Variants in KIT observed in about 807,000 individuals in gnomAD.
KIT encodes KIT proto-oncogene, receptor tyrosine kinase.
A neutral mutation model predicts 105.7 loss-of-function variants in KIT; 16 were observed. That is an observed-to-expected ratio of 0.15 (90% CI 0.10 to 0.23). The LOEUF (loss-of-function observed/expected upper bound fraction) is 0.23. Among genes scored for constraint, KIT ranks in the 10% least tolerant of loss-of-function variants. KIT has a pLI of 1.00. For synonymous variants in KIT, 438 were observed against 441.1 expected (o/e 0.99, Z 0.09); for missense variants, 858 against 1,213.8 (o/e 0.71, Z 4.36).
At chr4:54,725,574 T>C (rs1722162264) in intron 8 of KIT, among the ~76,000 whole-genome samples, 2 of 152,206 alleles carry the variant, frequency 1.3e-5, no homozygotes, top group Admixed American at 1.3e-4. Context: ...TGGGTATTAC[T>C]ATCCCTGTTT....
chr4:54,735,809 G>T (rs1459797078), intron 17 of KIT, among the ~76,000 whole-genome samples: 1 of 152,126 alleles, frequency 6.6e-6, no homozygotes, highest in East Asian at 1.9e-4. Context: ...TCTAGGAGTA[G>T]ACTTTATACC....
rs1375927561 is a variant in KIT at position 54,739,610 on chromosome 4, G to A, written c.*1053G>A. The A allele has an allele frequency of 8.6e-6, 2 of 233,458 alleles. No homozygotes were observed. The highest frequency in any genetic ancestry group is 4.4e-5 in the African/African-American group (2 of 45,336). The allele number at this position is 233,458 out of a possible 1,614,324, so 14.5% of individuals were successfully genotyped here. A position where few individuals can be genotyped will look rare whatever the true frequency, so the allele number is the denominator to read the frequency against. ...TTATGTAGCAGGAAATAAAGTATAG[G>A]TTTAGCCTCCTTCGCAGGCATGTCC... On this transcript the variant is annotated 3_prime_UTR_variant, in exon 21 of 21. Transcript: ENST00000288135.
chr4:54,660,317 C>T (rs1577902660), intron 1 of KIT, among the ~76,000 whole-genome samples: 1 of 152,256 alleles, frequency 6.6e-6, no homozygotes, highest in African/African-American at 2.4e-5. Flanking sequence ...GCTCCTGTGC[C>T]TAACAGGATG....
chr4:54,704,802 A>T (rs1192784588), intron 5 of KIT, among the ~76,000 whole-genome samples: 2 of 152,144 alleles, frequency 1.3e-5, no homozygotes, highest in African/African-American at 4.8e-5. Flanking sequence ...CTTGATCAAG[A>T]ACAATAATAA....
chr4:54,689,377 G>A (rs1339634816), intron 1 of KIT, among the ~76,000 whole-genome samples: 2 of 152,210 alleles, frequency 1.3e-5, no homozygotes, highest in Admixed American at 1.3e-4. Flanking sequence ...AGATACACTA[G>A]AGAAGAACTT....
At chr4:54,720,443 A>G (rs1721796451) in intron 7 of KIT, among the ~76,000 whole-genome samples, 1 of 152,244 alleles carries the variant, frequency 6.6e-6, no homozygotes, top group East Asian at 1.9e-4. Flanking sequence ...GTGTCACGCT[A>G]GAAGGCTTGG....
At chr4:54,682,821 G>A (rs919036084) in intron 1 of KIT, among the ~76,000 whole-genome samples, 5 of 149,986 alleles carry the variant, frequency 3.3e-5, no homozygotes, top group East Asian at 2.0e-4. Context: ...ACGCAATCTC[G>A]GCTCACTGCA....
At position 54,692,203 on chromosome 4, in the gene KIT, C is replaced by T. The variant is rs537339740; in HGVS notation, c.68-3309C>T. Among the ~76,000 whole-genome samples the T allele has an allele frequency of 1.5e-4, 23 of 152,344 alleles. No individual in the cohort carries two copies. In the South Asian group the frequency reaches 4.6e-3, roughly 30 times the overall value. ...GGCAGAGCCAAGATGCAAGTCTAGA[C>T]AGTCCTAACTCAAGAGCCAGGCTCT... is the stretch of plus-strand genomic sequence containing the variant. On this transcript the variant is annotated intron_variant, in intron 1 of 20. Transcript: ENST00000288135.
Position 54,738,504 on chromosome 4 carries a change from G to T in KIT, c.2878G>T (p.Val960Phe). Reference sequence around the variant, plus strand: ...AGACCATTCTGTGCGGATCAATTCTGTCGGCAGCACCGCTTCCTCCTCCCA... The same window carrying T: ...AGACCATTCTGTGCGGATCAATTCTTTCGGCAGCACCGCTTCCTCCTCCCA... ...VVDHSVRINS[V>F]GSTASSSQPL... is the part of the protein sequence containing the mutation. Residue 960 changes from valine to phenylalanine, a missense_variant, in exon 21 of 21, where the codon GTC becomes TTC. Val to Phe is a conservative substitution (Grantham distance 50). Coordinates refer to ENST00000288135, the MANE Select transcript of KIT (RefSeq NM_000222.3). 1 of 1,614,084 alleles carries T rather than the reference G, an allele frequency of 6.2e-7. No individual in the cohort carries two copies. Among genetic ancestry groups the T allele is most frequent in the Non-Finnish European group, 8.5e-7 (1 of 1,180,028 alleles).
At chr4:54,668,336 AAAGAT>A (rs1237774293) in intron 1 of KIT, among the ~76,000 whole-genome samples, 2 of 152,184 alleles carry the variant, frequency 1.3e-5, no homozygotes, top group Admixed American at 6.5e-5. Context: ...CAAGTAGAAA[AAAGAT>A]AAGAGGGAAA....
chr4:54,665,482 A>G (rs192362661), intron 1 of KIT, among the ~76,000 whole-genome samples: 92 of 152,252 alleles, frequency 6.0e-4, no homozygotes, highest in African/African-American at 2.1e-3. Context: ...ATTAGGGTAC[A>G]TGCTTTGGAA....
At chr4:54,689,119 G>T (rs1026373703) in intron 1 of KIT, among the ~76,000 whole-genome samples, 3 of 152,168 alleles carry the variant, frequency 2.0e-5, no homozygotes, top group African/African-American at 4.8e-5. Context: ...GCCCTCCTCC[G>T]ATCTGCTAAT....
intron 1 of KIT, among the ~76,000 whole-genome samples, chr4:54,678,824 C>T (rs1329951934): frequency 6.6e-6 from 1 of 152,104 alleles, no homozygotes; most frequent in Non-Finnish European, 1.5e-5. Flanking sequence ...AGGAAAATTG[C>T]AAGATTAGTA....
rs890642833 is a variant in KIT, at chr4:54,695,909, A to G, written c.337+128A>G. On this transcript the variant is annotated intron_variant, in intron 2 of 20. Coordinates refer to ENST00000288135, the MANE Select transcript of KIT (RefSeq NM_000222.3). The stretch of plus-strand genomic sequence containing the variant: ...TGGCTGGGTCTAGAAGGCCTAAAAC[A>G]CATGTTTCTTCACTGTTCTCTCCCA... The G allele has an allele frequency of 5.6e-6, 6 of 1,065,296 alleles. No homozygotes were observed. In the African/African-American group the frequency reaches 7.9e-5, roughly 14 times the overall value. The allele number at this position is 1,065,296 out of a possible 1,614,324, so 66.0% of individuals were successfully genotyped here. A position where few individuals can be genotyped will look rare whatever the true frequency, so the allele number is the denominator to read the frequency against.
At position 54,740,567 on chromosome 4, in the gene KIT, T is replaced by A. The variant is rs1338256657; in HGVS notation, c.*2010T>A. The A allele has an allele frequency of 4.3e-6, 1 of 232,960 alleles. No homozygotes were observed. Among genetic ancestry groups the A allele is most frequent in the Non-Finnish European group, 8.5e-6 (1 of 117,704 alleles). 14.4% of individuals were successfully genotyped at this position (232,960 alleles called of 1,614,324 possible). A position where few individuals can be genotyped will look rare whatever the true frequency, so the allele number is the denominator to read the frequency against. On this transcript the variant is annotated 3_prime_UTR_variant, in exon 21 of 21. Transcript: ENST00000288135. The stretch of plus-strand genomic sequence containing the variant: ...TCCCAAGCCCATGAGTCCTTGAAAA[T>A]ATTTTTTATATATACAGTAACTTTA...
At chr4:54,666,558 G>A (rs1577911590) in intron 1 of KIT, among the ~76,000 whole-genome samples, 1 of 152,264 alleles carries the variant, frequency 6.6e-6, no homozygotes, top group African/African-American at 2.4e-5. Context: ...GATTACAGGC[G>A]TGAGCCACTG....
chr4:54,736,607 T>C lies in KIT; in HGVS notation c.2594T>C (p.Leu865Ser). 1 of 1,611,670 alleles carries C rather than the reference T, an allele frequency of 6.2e-7. No individual in the cohort carries two copies. The highest frequency in any genetic ancestry group is 8.5e-7 in the Non-Finnish European group (1 of 1,177,762). The change falls in exon 18 of 21, where the codon TTA (leucine) becomes TCA (serine). Residue 865 changes from leucine (L) to serine (S), a missense_variant and splice_region_variant. By Grantham distance (145) the Leu-to-Ser change is moderately radical (BLOSUM62 -2). Transcript: ENST00000288135. ...ATTTTTCTTTGGGAGCTGTTCTCTT[T>C]AGGTAAAATGATCCTTGCCAAAGAC... ...YGIFLWELFSLGSSPYPGMPV... is the reference protein window; with the variant it reads ...YGIFLWELFSSGSSPYPGMPV...
At chr4:54,698,187 A>G (rs1460831781) in intron 2 of KIT, 97 bp from the exon 3 acceptor site, 3 of 1,258,888 alleles carry the variant, frequency 2.4e-6, no homozygotes, top group Non-Finnish European at 3.4e-6. Context: ...CATTTGGGCC[A>G]CTAGTCATGA....
chr4:54,722,270 C>T, intron 7 of KIT, among the ~76,000 whole-genome samples: 1 of 152,168 alleles, frequency 6.6e-6, no homozygotes, highest in Non-Finnish European at 1.5e-5. Flanking sequence ...GGATTATAGG[C>T]TTGAGCCACC....
Sources: gnomAD v4.1 joint callset for allele counts (sites outside exome capture counted in the v4.1 genomes callset) on GRCh38, gnomAD v4.1.1 for gene constraint, MANE v1.5 for transcripts, NCBI Gene and HGNC (gene_info 2026-07-23, HGNC 2026-07-21) for gene names.